Variants in PBX1 observed in about 807,000 individuals in gnomAD.
PBX1 encodes pre-B-cell leukemia transcription factor 1.
A neutral mutation model predicts 53.4 loss-of-function variants in PBX1; 6 were observed. That is an observed-to-expected ratio of 0.11 (90% CI 0.06 to 0.22). PBX1 has a LOEUF of 0.22. PBX1 is among the 10% of genes least tolerant of loss of function. The pLI is 1.00. For synonymous variants in PBX1, 204 were observed against 212.3 expected (o/e 0.96, Z 0.34); for missense variants, 251 against 551.4 (o/e 0.46, Z 5.46).
At chr1:164,826,977 G>GT (rs1331188536) in intron 8 of PBX1, among the ~76,000 whole-genome samples, 1 of 152,024 alleles carries the variant, frequency 6.6e-6, no homozygotes, top group Non-Finnish European at 1.5e-5. Context: ...AGGTGTTTTT[G>GT]TTTTTTCTTT....
intron 2 of PBX1, among the ~76,000 whole-genome samples, chr1:164,758,065 A>G (rs1666621903): frequency 6.6e-6 from 1 of 152,198 alleles, no homozygotes; most frequent in African/African-American, 2.4e-5. Context: ...AGAACCATCT[A>G]CTTGCCCAGT....
chr1:164,708,945 G>A (rs1015187198), intron 2 of PBX1, among the ~76,000 whole-genome samples: 2 of 152,190 alleles, frequency 1.3e-5, no homozygotes, highest in African/African-American at 4.8e-5. Context: ...TGTATGCCAG[G>A]TACCATGGTA....
intron 2 of PBX1, among the ~76,000 whole-genome samples, chr1:164,728,804 G>A (rs1342554997): frequency 1.3e-5 from 2 of 152,034 alleles, no homozygotes; most frequent in African/African-American, 2.4e-5. Context: ...TCTCTTTCCC[G>A]ATATTCTCCC....
At chr1:164,663,277 CCT>C (rs1660616121) in intron 2 of PBX1, among the ~76,000 whole-genome samples, 1 of 151,508 alleles carries the variant, frequency 6.6e-6, no homozygotes, top group Non-Finnish European at 1.5e-5. Context: ...TGCCTGCCTG[CCT>C]GCCTTCCTAC....
At chr1:164,678,500 G>A (rs1431350574) in intron 2 of PBX1, among the ~76,000 whole-genome samples, 1 of 152,192 alleles carries the variant, frequency 6.6e-6, no homozygotes, top group Non-Finnish European at 1.5e-5. Flanking sequence ...CAGAGCCATT[G>A]GCCTTCTTCA....
At chr1:164,778,291 C>G (rs928183061) in intron 2 of PBX1, among the ~76,000 whole-genome samples, 1 of 152,164 alleles carries the variant, frequency 6.6e-6, no homozygotes, top group African/African-American at 2.4e-5. Context: ...AGTGTTTGCA[C>G]AACTGTAATT....
chr1:164,758,071 C>T (rs1286226340), intron 2 of PBX1, among the ~76,000 whole-genome samples: 1 of 152,054 alleles, frequency 6.6e-6, no homozygotes, highest in Admixed American at 6.6e-5. Flanking sequence ...ATCTACTTGC[C>T]CAGTTTTATC....
intron 2 of PBX1, among the ~76,000 whole-genome samples, chr1:164,735,167 G>C (rs538507408): frequency 6.6e-6 from 1 of 152,104 alleles, no homozygotes; most frequent in Non-Finnish European, 1.5e-5. Flanking sequence ...AAAAAATCTT[G>C]CTTTTGTAAA....
chr1:164,745,290 C>G (rs1310919130), intron 2 of PBX1, among the ~76,000 whole-genome samples: 2 of 152,134 alleles, frequency 1.3e-5, no homozygotes, highest in African/African-American at 4.8e-5. Flanking sequence ...CTGGGACTTT[C>G]CTTTATCATC....
intron 2 of PBX1, among the ~76,000 whole-genome samples, chr1:164,870,027 GA>G (rs1558053435): frequency 7.2e-5 from 11 of 152,116 alleles, no homozygotes; most frequent in Non-Finnish European, 1.5e-4. Context: ...CCAGGACTAC[GA>G]ATTCTACTCA....
In PBX1 at chr1:164,632,823, G is replaced by C. The variant is rs974067724; in HGVS notation, c.265+69512G>C. On this transcript the variant is annotated intron_variant, in intron 2 of 8. Coordinates refer to ENST00000420696, the MANE Select transcript of PBX1 (RefSeq NM_002585.4). The stretch of plus-strand genomic sequence containing the variant: ...CCACAAGTTTGATGTTGGTTGAGCA[G>C]TAAACACGGAGGCACAAAAGGATAT... Among the ~76,000 whole-genome samples, 4 of 152,252 alleles carry C rather than the reference G, an allele frequency of 2.6e-5. No homozygotes were observed. The South Asian group carries it at 6.2e-4, about 24-fold the overall frequency.
intron 2 of PBX1, among the ~76,000 whole-genome samples, chr1:164,611,398 C>G (rs182914072): frequency 2.6e-5 from 4 of 152,220 alleles, no homozygotes; most frequent in Non-Finnish European, 1.5e-5. Context: ...CCACCACGCC[C>G]GGCTAATTTT....
intron 2 of PBX1, among the ~76,000 whole-genome samples, chr1:164,865,090 T>G (rs558428290): frequency 6.6e-6 from 1 of 152,322 alleles, no homozygotes; most frequent in East Asian, 1.9e-4. Flanking sequence ...TTTTATAAGG[T>G]GTACTGACAC....
chr1:164,561,366 CTA>C (rs1351718315), intron 1 of PBX1, among the ~76,000 whole-genome samples: 2 of 152,126 alleles, frequency 1.3e-5, no homozygotes, highest in African/African-American at 4.8e-5. Context: ...CTCAAAAGTA[CTA>C]AGGTTTACGG....
At chr1:164,818,635 T>G (rs904969197) in intron 6 of PBX1, 13 of 151,806 alleles carry the variant, frequency 8.6e-5, no homozygotes, top group Admixed American at 3.9e-4. Context: ...AATTGGAGTT[T>G]TTTTTTTTTT....
intron 8 of PBX1, among the ~76,000 whole-genome samples, chr1:164,840,198 C>A (rs1175395813): frequency 1.3e-5 from 2 of 152,118 alleles, no homozygotes; most frequent in Non-Finnish European, 2.9e-5. Context: ...TGCAAAATGT[C>A]CAAGTAAGAC....
At chr1:164,659,129 A>T (rs577624992) in intron 2 of PBX1, among the ~76,000 whole-genome samples, 1 of 152,214 alleles carries the variant, frequency 6.6e-6, no homozygotes, top group African/African-American at 2.4e-5. Context: ...ACAATGTCAC[A>T]TGGACACAGA....
At chr1:164,670,354 C>CA (rs1185155812) in intron 2 of PBX1, among the ~76,000 whole-genome samples, 1 of 152,150 alleles carries the variant, frequency 6.6e-6, no homozygotes, top group African/African-American at 2.4e-5. Context: ...CAGGAGAATA[C>CA]CCTGGTGGGA....
chr1:164,671,409 C>T (rs1473158829), intron 2 of PBX1, among the ~76,000 whole-genome samples: 2 of 152,106 alleles, frequency 1.3e-5, no homozygotes, highest in Non-Finnish European at 2.9e-5. Flanking sequence ...AATGACTGCA[C>T]GTTGACATTA....
Sources: gnomAD v4.1 joint callset for allele counts (sites outside exome capture counted in the v4.1 genomes callset) on GRCh38, gnomAD v4.1.1 for gene constraint, MANE v1.5 for transcripts, NCBI Gene and HGNC (gene_info 2026-07-23, HGNC 2026-07-21) for gene names.